CLIC4: variants seen among roughly 807,000 people sequenced by gnomAD.
CLIC4 encodes chloride intracellular channel protein 4.
A neutral mutation model predicts 24.6 loss-of-function variants in CLIC4; 13 were observed. The ratio of observed to expected loss-of-function variants is 0.53; its 90% CI spans 0.34 to 0.84. The LOEUF is 0.84. CLIC4 is among the 40% of genes least tolerant of loss of function. CLIC4 has a pLI of 0.01. For synonymous variants in CLIC4, 104 were observed against 111.3 expected (o/e 0.93, Z 0.41); for missense variants, 227 against 301.7 (o/e 0.75, Z 1.83).
intron 2 of CLIC4, among the ~76,000 whole-genome samples, chr1:24,801,573 C>A (rs985299361): frequency 6.6e-6 from 1 of 152,156 alleles, no homozygotes; most frequent in African/African-American, 2.4e-5. Context: ...TATATCAAGT[C>A]ATGAACAGTG....
rs12439 is a variant in CLIC4, at chr1:24,843,143, A to T, written c.*2206A>T. ...CTAAATGTTCTAGGAAGGCATGTCT[A>T]TTGTGATTTTGATGAAGACAGAATT... On this transcript the variant is annotated 3_prime_UTR_variant, in exon 6 of 6. Coordinates refer to ENST00000374379, the MANE Select transcript of CLIC4 (RefSeq NM_013943.3). 6.6e-6 allele frequency: 1 copy of T among 151,986 alleles called. No individual in the cohort carries two copies. Among genetic ancestry groups the T allele is most frequent in the Admixed American group, 6.6e-5 (1 of 15,262 alleles). The allele number at this position is 151,986 out of a possible 1,614,324, so 9.4% of individuals were successfully genotyped here.
chr1:24,802,714 T>C (rs574250440), intron 2 of CLIC4, among the ~76,000 whole-genome samples: 12 of 149,316 alleles, frequency 8.0e-5, no homozygotes, highest in African/African-American at 2.9e-4. Context: ...TCTTTTTCTT[T>C]TTTTTTTTTT....
At chr1:24,804,356 TG>T (rs1394520605) in intron 2 of CLIC4, among the ~76,000 whole-genome samples, 1 of 121,886 alleles carries the variant, frequency 8.2e-6, no homozygotes, top group African/African-American at 3.1e-5. Context: ...ACTGTGTGTG[TG>T]GGGGGTGTGT....
At chr1:24,767,917 A>G (rs1571234425) in intron 1 of CLIC4, among the ~76,000 whole-genome samples, 1 of 151,672 alleles carries the variant, frequency 6.6e-6, no homozygotes, top group South Asian at 2.1e-4. Context: ...GATCTCGGCT[A>G]ACTACAACCT....
chr1:24,828,122 A>T (rs1237358725), intron 4 of CLIC4, among the ~76,000 whole-genome samples: 1 of 152,224 alleles, frequency 6.6e-6, no homozygotes, highest in Non-Finnish European at 1.5e-5. Flanking sequence ...AAAAAGTGAA[A>T]TACTTGCTAA....
chr1:24,775,227 T>TC (rs1557799474), intron 1 of CLIC4, among the ~76,000 whole-genome samples: 5 of 138,322 alleles, frequency 3.6e-5, no homozygotes, highest in South Asian at 4.4e-4. Context: ...TTTCTTTCTT[T>TC]TTTTTTTTTT....
chr1:24,817,842 A>G lies in CLIC4; in HGVS notation c.308+3623A>G, dbSNP rs1053382816. Among the ~76,000 whole-genome samples the G allele has an allele frequency of 7.9e-5, 12 of 152,272 alleles. No homozygotes were observed. In the South Asian group the frequency reaches 1.7e-3, roughly 21 times the overall value. On this transcript the variant is annotated intron_variant, in intron 3 of 5. Transcript: ENST00000374379. ...CTGAGAGGTCATTGTAGGGTCATCA[A>G]CTGTGGGCTAATTTCAACATTATTT... is the stretch of plus-strand genomic sequence containing the variant.
chr1:24,767,043 A>AAAAG, intron 1 of CLIC4, among the ~76,000 whole-genome samples: 1 of 140,460 alleles, frequency 7.1e-6, no homozygotes, highest in Non-Finnish European at 1.6e-5. Flanking sequence ...AAAAAAAAAA[A>AAAAG]AAAAAGAAAA....
chr1:24,801,809 A>G (rs749319171), intron 2 of CLIC4, among the ~76,000 whole-genome samples: 1 of 152,242 alleles, frequency 6.6e-6, no homozygotes, highest in Non-Finnish European at 1.5e-5. Context: ...AACATAAGCC[A>G]TAAAGTCATC....
At chr1:24,755,503 G>T (rs1638835794) in intron 1 of CLIC4, among the ~76,000 whole-genome samples, 1 of 151,420 alleles carries the variant, frequency 6.6e-6, no homozygotes, top group African/African-American at 2.4e-5. Flanking sequence ...CCTAGCTTTG[G>T]CAGGCTGAGG....
Position 24,843,380 on chromosome 1 carries a change from A to G in CLIC4, c.*2443A>G, listed in dbSNP as rs1363492290. 1 of 152,216 alleles carries G rather than the reference A, an allele frequency of 6.6e-6. No homozygotes were observed. Among genetic ancestry groups the G allele is most frequent in the Non-Finnish European group, 1.5e-5 (1 of 68,026 alleles). 9.4% of individuals were successfully genotyped at this position (152,216 alleles called of 1,614,324 possible). A position where few individuals can be genotyped will look rare whatever the true frequency, so the allele number is the denominator to read the frequency against. Reference sequence around the variant, plus strand: ...GGTAGACAGTTCATGCAGTATATGAATTGCCATAATGGAAATAATCTGATT... The same window carrying G: ...GGTAGACAGTTCATGCAGTATATGAGTTGCCATAATGGAAATAATCTGATT... On this transcript the variant is annotated 3_prime_UTR_variant, in exon 6 of 6. Coordinates refer to ENST00000374379, the MANE Select transcript of CLIC4 (RefSeq NM_013943.3).
chr1:24,764,603 A>G (rs937604803), intron 1 of CLIC4, among the ~76,000 whole-genome samples: 18 of 151,936 alleles, frequency 1.2e-4, no homozygotes, highest in Admixed American at 9.8e-4. Context: ...GCAGTGAGCC[A>G]AGATAGTGCT....
chr1:24,747,763 G>A (rs1008386463), intron 1 of CLIC4, among the ~76,000 whole-genome samples: 2 of 151,996 alleles, frequency 1.3e-5, no homozygotes, highest in African/African-American at 2.4e-5. Flanking sequence ...CTATCGGGCC[G>A]GGTGAGGTGA....
At chr1:24,831,632 A>AT (rs2124171479) in intron 4 of CLIC4, among the ~76,000 whole-genome samples, 1 of 151,928 alleles carries the variant, frequency 6.6e-6, no homozygotes, top group Non-Finnish European at 1.5e-5. Context: ...CACTACTTTT[A>AT]TTTTTTTGGT....
intron 1 of CLIC4, among the ~76,000 whole-genome samples, chr1:24,781,952 G>T (rs1186399442): frequency 6.6e-6 from 1 of 152,130 alleles, no homozygotes; most frequent in Non-Finnish European, 1.5e-5. Flanking sequence ...GCCGGGCCTT[G>T]TAGGACCTAA....
chr1:24,747,800 C>T (rs776595124), intron 1 of CLIC4, among the ~76,000 whole-genome samples: 5 of 151,738 alleles, frequency 3.3e-5, no homozygotes, highest in Admixed American at 2.6e-4. Context: ...TTTGGGATGC[C>T]GAGATGGGGA....
chr1:24,759,056 A>C (rs919262449), intron 1 of CLIC4, among the ~76,000 whole-genome samples: 1 of 152,230 alleles, frequency 6.6e-6, no homozygotes, highest in Non-Finnish European at 1.5e-5. Context: ...TGAAAGTATG[A>C]CATGAAATGT....
rs1186761978 is a variant in CLIC4 at position 24,767,991 on chromosome 1, C to CCA, written c.72+22368_72+22369dup. On this transcript the variant is annotated intron_variant, in intron 1 of 5. Transcript: ENST00000374379. ...GGGTAGCTGGGATTACAGGCGCTTG[C>CCA]CACCACGCTTGGCTAATTTTTGTAT... Among the ~76,000 whole-genome samples the CCA allele has an allele frequency of 2.0e-5, 3 of 151,996 alleles. No homozygotes were observed. In the East Asian group the frequency reaches 5.8e-4, roughly 29 times the overall value.
chr1:24,831,666 T>A (rs754876841), intron 4 of CLIC4, among the ~76,000 whole-genome samples: 1 of 152,174 alleles, frequency 6.6e-6, no homozygotes, highest in African/African-American at 2.4e-5. Context: ...TGTTTAAGAG[T>A]CTTGCTCTGT....
Sources: gnomAD v4.1 joint callset for allele counts (sites outside exome capture counted in the v4.1 genomes callset) on GRCh38, gnomAD v4.1.1 for gene constraint, MANE v1.5 for transcripts, NCBI Gene and HGNC (gene_info 2026-07-23, HGNC 2026-07-21) for gene names.